P2RY2: variants seen among roughly 807,000 people sequenced by gnomAD.
The protein encoded by P2RY2 is purinergic receptor P2Y2.
For synonymous variants in P2RY2, 241 were observed against 231.9 expected, an observed-to-expected ratio of 1.04 and a Z score of -0.35; for missense variants, 567 against 515.7, an observed-to-expected ratio of 1.10 and a Z score of -0.96.
At chr11:73,231,000 G>C (rs1169756997) in intron 2 of P2RY2, among the ~76,000 whole-genome samples, 1 of 152,144 alleles carries the variant, frequency 6.6e-6, no homozygotes, top group Non-Finnish European at 1.5e-5. Flanking sequence ...AACGAAGTTG[G>C]CAGCAGGAAC....
rs1862685529 is a variant in P2RY2, at chr11:73,237,614, C to T, written c.*2321C>T. On this transcript the variant is annotated 3_prime_UTR_variant, in exon 3 of 3. Transcript: ENST00000393597. Reference sequence around the variant, plus strand: ...TTGAGCCTTTCCCACAGGCCCGAGCCACTCCACAAGGACACAGGAGGGGCT... The same window carrying T: ...TTGAGCCTTTCCCACAGGCCCGAGCTACTCCACAAGGACACAGGAGGGGCT... Among the ~76,000 whole-genome samples, 1 of 152,202 alleles carries T rather than the reference C, an allele frequency of 6.6e-6. No individual in the cohort carries two copies. The highest frequency in any genetic ancestry group is 1.5e-5 in the Non-Finnish European group (1 of 68,032).
At chr11:73,221,523 T>A (rs1862113619) in intron 1 of P2RY2, among the ~76,000 whole-genome samples, 1 of 152,158 alleles carries the variant, frequency 6.6e-6, no homozygotes, top group East Asian at 1.9e-4. Flanking sequence ...ATTACCCAAC[T>A]GCTGATAAGG....
At chr11:73,233,368 C>A (rs1862515198) in intron 2 of P2RY2, among the ~76,000 whole-genome samples, 1 of 152,248 alleles carries the variant, frequency 6.6e-6, no homozygotes, top group East Asian at 1.9e-4. Flanking sequence ...CCCAGAGCCT[C>A]CCAGAGAGTG....
intron 2 of P2RY2, among the ~76,000 whole-genome samples, chr11:73,231,579 GA>G (rs994195879): frequency 1.3e-5 from 2 of 150,872 alleles, no homozygotes; most frequent in East Asian, 2.0e-4. Flanking sequence ...AAAAAAGAAA[GA>G]AAAAAAGAAG....
intron 1 of P2RY2, among the ~76,000 whole-genome samples, chr11:73,222,914 A>G (rs896392658): frequency 3.3e-5 from 5 of 152,220 alleles, no homozygotes; most frequent in African/African-American, 1.2e-4. Flanking sequence ...AGGGCCCAGC[A>G]GAGTGCAATC....
intron 1 of P2RY2, among the ~76,000 whole-genome samples, chr11:73,219,100 C>T (rs919547359): frequency 6.6e-6 from 1 of 152,218 alleles, no homozygotes; most frequent in Non-Finnish European, 1.5e-5. Flanking sequence ...AGGAGCGCAG[C>T]CCAAGGGTTG....
At chr11:73,225,151 T>A (rs1289269663) in intron 1 of P2RY2, among the ~76,000 whole-genome samples, 1 of 152,146 alleles carries the variant, frequency 6.6e-6, no homozygotes, top group East Asian at 1.9e-4. Flanking sequence ...CTAGACAGGG[T>A]CTGCCACCAG....
At chr11:73,218,807 T>A (rs1862037785) in intron 1 of P2RY2, among the ~76,000 whole-genome samples, 1 of 151,984 alleles carries the variant, frequency 6.6e-6, no homozygotes, top group African/African-American at 2.4e-5. Context: ...AGCGTCCCCG[T>A]GGCGTGAGGC....
In P2RY2 at chr11:73,234,924, C is replaced by T; in HGVS notation, c.765C>T (p.Ala255=). ...TCGCCGTGGTGCTGGCTGTCTTCGCCCTCTGCTTCCTGCCATTCCACGTCA... is the reference window on the plus strand; with the variant it reads ...TCGCCGTGGTGCTGGCTGTCTTCGCTCTCTGCTTCCTGCCATTCCACGTCA... ...RTIAVVLAVF[A]LCFLPFHVTR... Residue 255 remains alanine, a synonymous_variant, in exon 3 of 3, where the codon GCC becomes GCT. Transcript: ENST00000393597. 1 of 1,611,014 alleles carries T rather than the reference C, an allele frequency of 6.2e-7. No homozygotes were observed. Among genetic ancestry groups the T allele is most frequent in the Non-Finnish European group, 8.5e-7 (1 of 1,180,006 alleles).
chr11:73,232,920 C>T lies in P2RY2; in HGVS notation c.-4-1236C>T, dbSNP rs539504103. Among the ~76,000 whole-genome samples, 161 of 152,164 alleles carry T rather than the reference C, an allele frequency of 1.1e-3. 1 individual carries two copies. Among genetic ancestry groups the T allele is most frequent in the African/African-American group, 3.6e-3 (150 of 41,488 alleles). On this transcript the variant is annotated intron_variant, in intron 2 of 2. Coordinates refer to ENST00000393597, the MANE Select transcript of P2RY2 (RefSeq NM_002564.4). Reference sequence around the variant, plus strand: ...ATGTCTGTCCTCTACCTCCCAGCTGCGAGAGAGCTCTTAATTGGTCACCTG... The same window carrying T: ...ATGTCTGTCCTCTACCTCCCAGCTGTGAGAGAGCTCTTAATTGGTCACCTG...
Position 73,234,913 on chromosome 11 carries a change from G to A in P2RY2, c.754G>A (p.Ala252Thr), listed in dbSNP as rs867192171. ...CGTGCGCACCATCGCCGTGGTGCTG[G>A]CTGTCTTCGCCCTCTGCTTCCTGCC... The part of the protein sequence containing the change: ...KSVRTIAVVL[A>T]VFALCFLPFH... Residue 252 changes from alanine to threonine, a missense_variant, in exon 3 of 3, where the codon GCT becomes ACT. Transcript: ENST00000393597. 11 of 1,610,660 alleles carry A rather than the reference G, an allele frequency of 6.8e-6. No homozygotes were observed. In the African/African-American group the frequency reaches 1.2e-4, roughly 18 times the overall value.
intron 1 of P2RY2, among the ~76,000 whole-genome samples, chr11:73,227,005 A>C (rs899355933): frequency 6.6e-6 from 1 of 152,040 alleles, no homozygotes; most frequent in Non-Finnish European, 1.5e-5. Context: ...AGGTATACAC[A>C]TGCCCTGGTG....
At chr11:73,230,052 G>T (rs2135640537) in intron 2 of P2RY2, among the ~76,000 whole-genome samples, 1 of 152,176 alleles carries the variant, frequency 6.6e-6, no homozygotes, top group Middle Eastern at 3.4e-3. Context: ...TCGGCTTACT[G>T]ATACCCAGGG....
Position 73,234,541 on chromosome 11 carries a change from AGCGT to A in P2RY2, c.385_388del (p.Val129ThrfsTer52). ...CAGCATCCTCTTCCTCACCTGCATC[AGCGT>A]GCACCGGTGTCTGGGCGTCTTACGA... On this transcript the variant is annotated frameshift_variant, in exon 3 of 3. Transcript: ENST00000393597. LOFTEE classifies it low-confidence loss of function (END_TRUNC). The A allele has an allele frequency of 6.2e-7, 1 of 1,604,370 alleles. No individual in the cohort carries two copies. Among genetic ancestry groups the A allele is most frequent in the Non-Finnish European group, 8.5e-7 (1 of 1,174,372 alleles).
At chr11:73,224,393 C>T (rs148750419) in intron 1 of P2RY2, among the ~76,000 whole-genome samples, 3 of 152,346 alleles carry the variant, frequency 2.0e-5, no homozygotes, top group Non-Finnish European at 2.9e-5. Flanking sequence ...TCCTCGTCTT[C>T]CAAAATGCAG....
chr11:73,228,195 G>GGGGGC lies in P2RY2; in HGVS notation c.-5+24_-5+25insCGGGG, dbSNP rs1862342010. On this transcript the variant is annotated intron_variant, in intron 2 of 2. Coordinates refer to ENST00000393597, the MANE Select transcript of P2RY2 (RefSeq NM_002564.4). Reference sequence around the variant, plus strand: ...GGTCAGGTACGTGGGGTGGGGGTGGGGGGGAGCGGGTACGCTGGCCGGGAG... The same window carrying GGGGGC: ...GGTCAGGTACGTGGGGTGGGGGTGGGGGGGCGGGGAGCGGGTACGCTGGCCGGGAG... 7.5e-6 allele frequency: 1 copy of GGGGGC among 132,694 alleles called. No individual in the cohort carries two copies. Among genetic ancestry groups the GGGGGC allele is most frequent in the African/African-American group, 2.6e-5 (1 of 37,840 alleles). The allele number at this position is 132,694 out of a possible 1,614,324, so 8.2% of individuals were successfully genotyped here. A position where few individuals can be genotyped will look rare whatever the true frequency, so the allele number is the denominator to read the frequency against.
chr11:73,227,495 A>G (rs1343227810), intron 1 of P2RY2, among the ~76,000 whole-genome samples: 1 of 152,122 alleles, frequency 6.6e-6, no homozygotes, highest in African/African-American at 2.4e-5. Context: ...ACACCTAACG[A>G]GGAATGCTTA....
At position 73,236,003 on chromosome 11, in the gene P2RY2, C is replaced by G. The variant is rs1862643338; in HGVS notation, c.*710C>G. On this transcript the variant is annotated 3_prime_UTR_variant, in exon 3 of 3. Coordinates refer to ENST00000393597, the MANE Select transcript of P2RY2 (RefSeq NM_002564.4). The stretch of plus-strand genomic sequence containing the variant: ...AAGCTTTCACCAGCCACACAAGGGT[C>G]CTTTCTCCAATCCGTTCCCTTCTGC... 6.0e-6 allele frequency: 6 copies of G among 1,000,220 alleles called. No individual in the cohort carries two copies. The highest frequency in any genetic ancestry group is 1.2e-6 in the Non-Finnish European group (1 of 830,070). 62.0% of individuals were successfully genotyped at this position (1,000,220 alleles called of 1,614,324 possible).
intron 1 of P2RY2, among the ~76,000 whole-genome samples, chr11:73,224,449 A>G (rs1862218579): frequency 6.6e-6 from 1 of 152,072 alleles, no homozygotes. Context: ...TCACCCCTCC[A>G]ATCCTGTTAG....
Sources: gnomAD v4.1 joint callset for allele counts (sites outside exome capture counted in the v4.1 genomes callset) on GRCh38, gnomAD v4.1.1 for gene constraint, MANE v1.5 for transcripts, NCBI Gene and HGNC (gene_info 2026-07-23, HGNC 2026-07-21) for gene names.